Variants in GRIA4 observed in about 807,000 individuals in gnomAD.
GRIA4 encodes glutamate ionotropic receptor AMPA type subunit 4.
GRIA4 carries 34 observed loss-of-function variants against 104.0 expected under a neutral mutation model. The ratio of observed to expected loss-of-function variants is 0.33; its 90% confidence interval spans 0.25 to 0.44. The LOEUF (loss-of-function observed/expected upper bound fraction) is 0.44, where lower values mean the gene tolerates loss of function less well. Among genes scored for constraint, GRIA4 ranks in the 20% least tolerant of loss-of-function variants. The pLI, the probability that GRIA4 is intolerant of heterozygous loss-of-function variation, is 1.00. For synonymous variants in GRIA4, 386 were observed against 381.9 expected, an observed-to-expected ratio of 1.01 and a Z score of -0.13; for missense variants, 750 against 1,096.5, an observed-to-expected ratio of 0.68 and a Z score of 4.46.
intron 3 of GRIA4, among the ~76,000 whole-genome samples, chr11:105,734,186 A>G (rs1421750220): frequency 6.6e-6 from 1 of 151,508 alleles, no homozygotes; most frequent in African/African-American, 2.4e-5. Context: ...CAAACTAAGT[A>G]TGTATAAAAT....
intron 3 of GRIA4, among the ~76,000 whole-genome samples, chr11:105,687,393 A>G (rs1014227702): frequency 2.6e-5 from 4 of 152,200 alleles, no homozygotes; most frequent in African/African-American, 9.6e-5. Context: ...GCCAGATTCT[A>G]CTGCAGTTAT....
At chr11:105,934,539 T>G (rs1947977041) in intron 14 of GRIA4, among the ~76,000 whole-genome samples, 1 of 152,134 alleles carries the variant, frequency 6.6e-6, no homozygotes, top group Non-Finnish European at 1.5e-5. Context: ...GGTTTTATAG[T>G]GCTTACTCAA....
At chr11:105,762,702 A>G (rs1173737234) in intron 4 of GRIA4, among the ~76,000 whole-genome samples, 1 of 152,134 alleles carries the variant, frequency 6.6e-6, no homozygotes, top group Non-Finnish European at 1.5e-5. Flanking sequence ...AAGTCTCACG[A>G]GATCTGATGG....
At chr11:105,692,345 G>A (rs1203252427) in intron 3 of GRIA4, among the ~76,000 whole-genome samples, 1 of 152,004 alleles carries the variant, frequency 6.6e-6, no homozygotes, top group Non-Finnish European at 1.5e-5. Flanking sequence ...TTACATTCCA[G>A]TGGGGCCTCT....
chr11:105,767,888 A>T (rs1591221593), intron 4 of GRIA4, among the ~76,000 whole-genome samples: 1 of 152,160 alleles, frequency 6.6e-6, no homozygotes, highest in East Asian at 1.9e-4. Context: ...CTTAACCACA[A>T]CATTATGCTG....
At chr11:105,642,248 C>T (rs1349349270) in intron 3 of GRIA4, among the ~76,000 whole-genome samples, 1 of 152,040 alleles carries the variant, frequency 6.6e-6, no homozygotes, top group East Asian at 1.9e-4. Flanking sequence ...ACTTGCTGTG[C>T]TGTTGCATAT....
chr11:105,612,297 CAG>C lies in GRIA4; in HGVS notation c.112_113del (p.Asp38SerfsTer14). On this transcript the variant is annotated frameshift_variant, in exon 3 of 17. Coordinates refer to ENST00000282499, the MANE Select transcript of GRIA4 (RefSeq NM_000829.4). LOFTEE classifies it high-confidence loss of function. ...ATAGGTGGTCTCTTCATCCGAAACA[CAG>C]ATCAGGAATACACTGCTTTTCGATT... is the stretch of plus-strand genomic sequence containing the variant. 6.2e-7 allele frequency: 1 copy of C among 1,614,104 alleles called. No homozygotes were observed.
chr11:105,811,820 G>A (rs1208045813), intron 4 of GRIA4, among the ~76,000 whole-genome samples: 7 of 152,124 alleles, frequency 4.6e-5, no homozygotes, highest in African/African-American at 7.2e-5. Flanking sequence ...AGGCCATGAC[G>A]AAGCAGGTAA....
intron 14 of GRIA4, among the ~76,000 whole-genome samples, chr11:105,968,072 C>T (rs1283387378): frequency 6.6e-6 from 1 of 152,158 alleles, no homozygotes; most frequent in Non-Finnish European, 1.5e-5. Flanking sequence ...CAATTCAGTG[C>T]AGAAGGGAAA....
chr11:105,799,158 T>C (rs1263591708), intron 4 of GRIA4, among the ~76,000 whole-genome samples: 1 of 151,388 alleles, frequency 6.6e-6, no homozygotes, highest in Non-Finnish European at 1.5e-5. Flanking sequence ...GAGAACTAGG[T>C]GAGTATGTTT....
chr11:105,868,737 C>T (rs1945514939), intron 5 of GRIA4, among the ~76,000 whole-genome samples: 1 of 152,092 alleles, frequency 6.6e-6, no homozygotes, highest in Non-Finnish European at 1.5e-5. Context: ...AGGAACAAAT[C>T]AGGCACTCAC....
At chr11:105,631,885 T>C (rs1591469936) in intron 3 of GRIA4, among the ~76,000 whole-genome samples, 1 of 152,134 alleles carries the variant, frequency 6.6e-6, no homozygotes, top group African/African-American at 2.4e-5. Flanking sequence ...AAGTGGAGTT[T>C]AATCTTGAAT....
chr11:105,610,883 TTTTTTTG>T lies in GRIA4; in HGVS notation c.-90-24_-90-18del. 4.2e-6 allele frequency: 2 copies of T among 472,904 alleles called. No individual in the cohort carries two copies. The highest frequency in any genetic ancestry group is 3.7e-6 in the Non-Finnish European group (1 of 270,156). The allele number at this position is 472,904 out of a possible 1,614,324, so 29.3% of individuals were successfully genotyped here. ...TTTCTTTCTTTTCTTTTTTTTTTTT[TTTTTTTG>T]GTTGATTTTAATTTTAGCGCCATCG... On this transcript the variant is annotated intron_variant, in intron 1 of 16. Transcript: ENST00000282499.
chr11:105,956,792 T>C (rs913573466), intron 14 of GRIA4, among the ~76,000 whole-genome samples: 1 of 152,214 alleles, frequency 6.6e-6, no homozygotes, highest in Admixed American at 6.5e-5. Flanking sequence ...TTTTTAATGA[T>C]TGCCATTCTA....
chr11:105,652,928 C>A (rs1158017339), intron 3 of GRIA4, among the ~76,000 whole-genome samples: 1 of 148,746 alleles, frequency 6.7e-6, no homozygotes, highest in African/African-American at 2.5e-5. Flanking sequence ...TCATGTTTGA[C>A]ACAGAGTCTG....
intron 16 of GRIA4, among the ~76,000 whole-genome samples, chr11:105,978,922 C>A (rs139498448): frequency 6.6e-6 from 1 of 152,150 alleles, no homozygotes; most frequent in African/African-American, 2.4e-5. Flanking sequence ...CAGTCATGAC[C>A]ATTCAGTAGG....
At chr11:105,922,619 T>A (rs1305825105) in intron 11 of GRIA4, among the ~76,000 whole-genome samples, 1 of 152,172 alleles carries the variant, frequency 6.6e-6, no homozygotes, top group African/African-American at 2.4e-5. Context: ...TAAAACTTAC[T>A]TTTAACTTGT....
chr11:105,691,125 C>T (rs974956227), intron 3 of GRIA4, among the ~76,000 whole-genome samples: 1 of 151,960 alleles, frequency 6.6e-6, no homozygotes, highest in Non-Finnish European at 1.5e-5. Context: ...TGTTACGATT[C>T]CCTAATATAA....
chr11:105,830,428 G>T (rs1055195656), intron 4 of GRIA4, among the ~76,000 whole-genome samples: 1 of 151,960 alleles, frequency 6.6e-6, no homozygotes, highest in Non-Finnish European at 1.5e-5. Flanking sequence ...TTGTCTCTAG[G>T]CTATTTATGT....
Sources: allele counts gnomAD v4.1 joint callset (sites outside exome capture counted in the v4.1 genomes callset), GRCh38; gene constraint gnomAD v4.1.1; transcripts MANE v1.5; gene names NCBI Gene and HGNC (gene_info 2026-07-23, HGNC 2026-07-21).